Variants in MID1 observed in about 807,000 individuals in gnomAD.
The protein encoded by MID1 is E3 ubiquitin-protein ligase Midline-1.
A neutral mutation model predicts 40.4 loss-of-function variants in MID1; 7 were observed. The ratio of observed to expected loss-of-function variants is 0.17; its 90% confidence interval spans 0.10 to 0.33. The LOEUF (loss-of-function observed/expected upper bound fraction) is 0.33, where lower values mean the gene tolerates loss of function less well. Ranked by LOEUF, MID1 falls within the 10% of genes least tolerant of loss-of-function variation. The pLI, the probability that MID1 is intolerant of heterozygous loss-of-function variation, is 1.00. For synonymous variants in MID1, 229 were observed against 221.2 expected, an observed-to-expected ratio of 1.04 and a Z score of -0.31; for missense variants, 367 against 558.5, an observed-to-expected ratio of 0.66 and a Z score of 3.46.
intron 1 of MID1, among the ~76,000 whole-genome samples, chrX:10,724,610 C>G (rs2043378281): frequency 8.9e-6 from 1 of 111,936 alleles, no homozygotes. Context: ...CTCTAAATGC[C>G]TCTTGGATGG....
intron 1 of MID1, among the ~76,000 whole-genome samples, chrX:10,569,971 G>C (rs1389458846): frequency 9.0e-6 from 1 of 111,663 alleles, no homozygotes; most frequent in Non-Finnish European, 1.9e-5. Context: ...GTTCACTCCT[G>C]CCCTTCCCCC....
intron 4 of MID1, among the ~76,000 whole-genome samples, chrX:10,493,337 A>G (rs942897099): frequency 2.7e-5 from 3 of 111,555 alleles, no homozygotes; most frequent in African/African-American, 9.8e-5. Flanking sequence ...GGCAAGAAAA[A>G]ATGGATTTTC....
chrX:10,605,376 T>G (rs56917195), intron 1 of MID1, among the ~76,000 whole-genome samples: 2,645 of 111,781 alleles, frequency 0.024, 95 homozygotes, highest in African/African-American at 0.082. Flanking sequence ...ACCAGGAGAA[T>G]GCATGCAGTT....
intron 4 of MID1, among the ~76,000 whole-genome samples, chrX:10,483,714 G>A (rs1437465626): frequency 1.8e-5 from 2 of 112,091 alleles, no homozygotes; most frequent in Non-Finnish European, 3.8e-5. Flanking sequence ...CAGAATTCCT[G>A]CTAATTCCAA....
intron 1 of MID1, among the ~76,000 whole-genome samples, chrX:10,613,889 T>C (rs1935796154): frequency 9.4e-6 from 1 of 106,872 alleles, no homozygotes; most frequent in African/African-American, 3.4e-5. Flanking sequence ...CTACTACTGA[T>C]CTATTTAGTC....
At chrX:10,698,668 A>G (rs1242566578) in intron 1 of MID1, among the ~76,000 whole-genome samples, 1 of 108,009 alleles carries the variant, frequency 9.3e-6, no homozygotes, top group Non-Finnish European at 1.9e-5. Flanking sequence ...CTACTTTGTC[A>G]TAAGGATTAT....
intron 3 of MID1, among the ~76,000 whole-genome samples, chrX:10,502,270 C>G (rs1297320226): frequency 3.6e-5 from 4 of 112,438 alleles, no homozygotes; most frequent in Admixed American, 9.4e-5. Context: ...CATTTTCTCA[C>G]TTTGCAGTGC....
intron 3 of MID1, among the ~76,000 whole-genome samples, chrX:10,506,919 T>C (rs1182999514): frequency 2.7e-5 from 3 of 111,881 alleles, no homozygotes; most frequent in Non-Finnish European, 3.8e-5. Flanking sequence ...GTTTGAGCAA[T>C]GGTAGGCAAA....
chrX:10,599,515 T>C (rs1223111002), intron 1 of MID1, among the ~76,000 whole-genome samples: 1 of 112,465 alleles, frequency 8.9e-6, no homozygotes, highest in East Asian at 2.8e-4. Flanking sequence ...TCATATGCTA[T>C]GGTGGAAAGA....
chrX:10,761,957 A>C (rs1239013406), intron 1 of MID1, among the ~76,000 whole-genome samples: 7 of 112,195 alleles, frequency 6.2e-5, no homozygotes, highest in African/African-American at 9.7e-5. Flanking sequence ...ATCATAATAG[A>C]AATAGATTGG....
intron 1 of MID1, among the ~76,000 whole-genome samples, chrX:10,718,388 A>G (rs2147094394): frequency 8.9e-6 from 1 of 112,175 alleles, no homozygotes; most frequent in East Asian, 2.8e-4. Context: ...CCACAGAAAT[A>G]CAAACTACCA....
Position 10,791,107 on chromosome X carries a change from C to A in MID1, c.-187+42447G>T, listed in dbSNP as rs1209293539. On this transcript the variant is annotated intron_variant, in intron 1 of 10. Transcript: ENST00000380785. Reference sequence around the variant, plus strand: ...AGGAAGTTATGGGTGAATACAACAGCATATATGAAGGAAAATTCTTGAAGT... The same window carrying A: ...AGGAAGTTATGGGTGAATACAACAGAATATATGAAGGAAAATTCTTGAAGT... Among the ~76,000 whole-genome samples the A allele has an allele frequency of 2.7e-5, 3 of 112,513 alleles. No individual in the cohort carries two copies. The Admixed American group carries it at 2.8e-4, about 11-fold the overall frequency.
intron 1 of MID1, 104 bp downstream of exon 1, chrX:10,620,186 C>A (rs181618934): frequency 8.9e-6 from 1 of 112,648 alleles, no homozygotes; most frequent in Non-Finnish European, 1.9e-5. Flanking sequence ...GCATCGACTA[C>A]GGCCAGGCGC....
intron 1 of MID1, among the ~76,000 whole-genome samples, chrX:10,768,322 G>T (rs1363425899): frequency 9.0e-6 from 1 of 111,136 alleles, no homozygotes; most frequent in Non-Finnish European, 1.9e-5. Context: ...AAAAGAACAA[G>T]AAAATAAGAA....
chrX:10,591,907 A>G (rs1478662185), intron 1 of MID1, among the ~76,000 whole-genome samples: 2 of 111,168 alleles, frequency 1.8e-5, no homozygotes, highest in African/African-American at 6.6e-5. Context: ...TGTGGTACAC[A>G]GTCTTTCTTC....
chrX:10,805,195 T>G (rs2044035637), intron 1 of MID1, among the ~76,000 whole-genome samples: 1 of 108,794 alleles, frequency 9.2e-6, no homozygotes, highest in African/African-American at 3.4e-5. Context: ...GCATTAGGTA[T>G]ATCTCCTAAT....
At chrX:10,698,752 G>A (rs1010154070) in intron 1 of MID1, among the ~76,000 whole-genome samples, 5 of 106,557 alleles carry the variant, frequency 4.7e-5, no homozygotes, top group Admixed American at 4.0e-4. Context: ...AAAAAACACC[G>A]CAGTTTCCTC....
chrX:10,531,723 AAATAG>A (rs1190961716), intron 2 of MID1, among the ~76,000 whole-genome samples: 3 of 112,286 alleles, frequency 2.7e-5, no homozygotes, highest in Non-Finnish European at 5.6e-5. Flanking sequence ...TAATGGAGAT[AAATAG>A]GTATCTTAGT....
At chrX:10,460,981 T>TTGAG (rs1319819813) in intron 7 of MID1, among the ~76,000 whole-genome samples, 1 of 110,556 alleles carries the variant, frequency 9.0e-6, no homozygotes, top group African/African-American at 3.3e-5. Context: ...ACTCCATCTT[T>TTGAG]TGAGTTAAAA....
Sources: gnomAD v4.1 joint callset for allele counts (sites outside exome capture counted in the v4.1 genomes callset) on GRCh38, gnomAD v4.1.1 for gene constraint, MANE v1.5 for transcripts, NCBI Gene and HGNC (gene_info 2026-07-23, HGNC 2026-07-21) for gene names.